Variants in LRP1 observed in about 807,000 individuals in gnomAD.
LRP1 encodes the protein LDL receptor related protein 1.
LRP1 carries 51 observed loss-of-function variants against 541.5 expected under a neutral mutation model. The observed-to-expected ratio is 0.09, with a 90% CI of 0.08 to 0.12. LRP1 has a LOEUF of 0.12. Among genes scored for constraint, LRP1 ranks in the 10% least tolerant of loss-of-function variants. LRP1 has a pLI of 1.00. For missense variants in LRP1, 3,878 were observed against 6,376.2 expected, an observed-to-expected ratio of 0.61 and a Z score of 13.34; for synonymous variants, 2,219 against 2,470.8, an observed-to-expected ratio of 0.90 and a Z score of 3.02.
Position 57,211,381 on chromosome 12 carries a change from C to T in LRP1, c.13091+31C>T, listed in dbSNP as rs369794968. The stretch of plus-strand genomic sequence containing the variant: ...TGGGGCCCTCCTCCACAGTTCCACC[C>T]AGCTGGGCCCCTGCCCTGTCCTAGC... On this transcript the variant is annotated intron_variant, in intron 84 of 88. Coordinates refer to ENST00000243077, the MANE Select transcript of LRP1 (RefSeq NM_002332.3). The surrounding 1 kb of genome is among the most constrained non-coding windows in gnomAD (Gnocchi z 4.3). 224 of 1,612,004 alleles carry T rather than the reference C, an allele frequency of 1.4e-4. No homozygotes were observed. Among genetic ancestry groups the T allele is most frequent in the Non-Finnish European group, 1.8e-4 (208 of 1,179,270 alleles).
Position 57,197,137 on chromosome 12 carries a change from C to G in LRP1, c.9048C>G (p.Gly3016=). ...LCVEGYAPRG[G]DPHSCKAVTD... is the part of the protein sequence containing the mutation. ...TGGAGGGCTATGCACCCCGCGGCGG[C>G]GACCCCCACAGCTGCAAGGCTGTGA... Residue 3016 remains glycine, a synonymous_variant, in exon 56 of 89, where the codon GGC becomes GGG. Coordinates refer to ENST00000243077, the MANE Select transcript of LRP1 (RefSeq NM_002332.3). The surrounding 1 kb of genome is among the most constrained non-coding windows in gnomAD (Gnocchi z 4.5). 5.0e-6 allele frequency: 8 copies of G among 1,613,896 alleles called. No individual in the cohort carries two copies. The highest frequency in any genetic ancestry group is 6.8e-6 in the Non-Finnish European group (8 of 1,180,014).
At position 57,133,635 on chromosome 12, in the gene LRP1, A is replaced by AC. The variant is rs1414642771; in HGVS notation, c.67+4610dup. Among the ~76,000 whole-genome samples the AC allele has an allele frequency of 2.3e-3, 12 of 5,254 alleles. No individual in the cohort carries two copies. The South Asian group carries it at 0.047, about 20-fold the overall frequency. The allele number at this position is 5,254 out of a possible 152,430, so 3.4% of individuals were successfully genotyped here. ...TGTCCCCGCGCCGCCCCCCCACCCC[A>AC]CCCCCCGCACCTTGAGCATCCTCCT... On this transcript the variant is annotated intron_variant, in intron 1 of 88. Transcript: ENST00000243077.
Position 57,205,664 on chromosome 12 carries a change from C to T in LRP1, c.11577C>T (p.Thr3859=). ...CARNFMKTHN[T]CKAEGSEYQV... is the part of the protein sequence containing the mutation. Reference sequence around the variant, plus strand: ...GGAACTTCATGAAGACGCACAACACCTGCAAGGCCGAAGGTGCCGGAGCCA... The same window carrying T: ...GGAACTTCATGAAGACGCACAACACTTGCAAGGCCGAAGGTGCCGGAGCCA... Residue 3859 remains threonine (T), a synonymous_variant, in exon 75 of 89, where the codon ACC becomes ACT. Coordinates refer to ENST00000243077, the MANE Select transcript of LRP1 (RefSeq NM_002332.3). The surrounding 1 kb of genome is among the most constrained non-coding windows in gnomAD (Gnocchi z 4.6). 1 of 1,611,844 alleles carries T rather than the reference C, an allele frequency of 6.2e-7. No individual in the cohort carries two copies.
In LRP1 at chr12:57,178,861, GCTT is replaced by G. The variant is rs776748948; in HGVS notation, c.4607-23_4607-21del. 2.5e-6 allele frequency: 4 copies of G among 1,597,346 alleles called. No homozygotes were observed. Among genetic ancestry groups the G allele is most frequent in the South Asian group, 1.1e-5 (1 of 88,740 alleles). On this transcript the variant is annotated intron_variant, in intron 27 of 88. Transcript: ENST00000243077. This position sits in a 1 kb window ranked among gnomAD's most constrained non-coding sequence, Gnocchi z 5.8. The stretch of plus-strand genomic sequence containing the variant: ...GAGCAGCAAGTCACAGGATGCTCTG[GCTT>G]CTTCTCTTCTCCACCCTGCCCCCAG...
At chr12:57,210,907 G>A in intron 83 of LRP1, 28 bp downstream of exon 83, 1 of 1,597,738 alleles carries the variant, frequency 6.3e-7, no homozygotes, top group Non-Finnish European at 8.6e-7. Flanking sequence ...GGGCCCCAGG[G>A]CATGCGGGAG....
At chr12:57,182,672 C>T (rs1293077478) in intron 34 of LRP1, among the ~76,000 whole-genome samples, 3 of 151,496 alleles carry the variant, frequency 2.0e-5, no homozygotes, top group African/African-American at 4.9e-5. Context: ...CAAAATTAGC[C>T]GGGCATGGTG....
intron 15 of LRP1, chr12:57,164,834 C>T (rs2035807291): frequency 6.6e-6 from 1 of 152,112 alleles, no homozygotes; most frequent in Admixed American, 6.6e-5. Flanking sequence ...TGGCTGGGGT[C>T]AGGAGAGGGC....
At chr12:57,153,015 G>A (rs1199392933) in intron 6 of LRP1, among the ~76,000 whole-genome samples, 8 of 152,210 alleles carry the variant, frequency 5.3e-5, no homozygotes, top group Admixed American at 1.3e-4. Context: ...CTGTGTGGGG[G>A]CAGAAGAATC....
intron 5 of LRP1, 43 bp downstream of exon 5, chr12:57,145,143 T>A: frequency 6.2e-7 from 1 of 1,613,548 alleles, no homozygotes; most frequent in Non-Finnish European, 8.5e-7. Context: ...CTAAGCCCCC[T>A]CAATGCTGTT....
Position 57,154,246 on chromosome 12 carries a change from T to C in LRP1, c.880T>C (p.Phe294Leu). 2.5e-6 allele frequency: 4 copies of C among 1,614,198 alleles called. No individual in the cohort carries two copies. The highest frequency in any genetic ancestry group is 1.7e-6 in the Non-Finnish European group (2 of 1,180,022). Reference protein sequence around the residue: ...QMAIDWLTGNFYFVDDIDDRI... With the variant: ...QMAIDWLTGNLYFVDDIDDRI... The stretch of plus-strand genomic sequence containing the variant: ...GGCCATCGACTGGCTGACAGGCAAC[T>C]TCTACTTTGTGGATGACATCGATGA... Residue 294 changes from phenylalanine to leucine, a missense_variant, in exon 7 of 89, where the codon TTC becomes CTC. Physicochemically the swap from Phe to Leu is conservative, Grantham distance 22 (BLOSUM62 0). Coordinates refer to ENST00000243077, the MANE Select transcript of LRP1 (RefSeq NM_002332.3). The surrounding 1 kb of genome is among the most constrained non-coding windows in gnomAD (Gnocchi z 4.6).
In LRP1 at chr12:57,197,498, C is replaced by T; in HGVS notation, c.9163-47C>T. 6.2e-7 allele frequency: 1 copy of T among 1,613,496 alleles called. No individual in the cohort carries two copies. The highest frequency in any genetic ancestry group is 8.5e-7 in the Non-Finnish European group (1 of 1,179,622). On this transcript the variant is annotated intron_variant, in intron 57 of 88. Coordinates refer to ENST00000243077, the MANE Select transcript of LRP1 (RefSeq NM_002332.3). The surrounding 1 kb of genome is among the most constrained non-coding windows in gnomAD (Gnocchi z 4.5). ...CCCTCCCCCAGATGCAAATGTGGCC[C>T]CTGTTGCCACAACCGACTTCTGCTG...
At position 57,145,069 on chromosome 12, in the gene LRP1, G is replaced by T; in HGVS notation, c.546G>T (p.Gln182His). The change falls in exon 5 of 89, where the codon CAG (glutamine) becomes CAT (histidine). Residue 182 changes from glutamine to histidine, a missense_variant. By Grantham distance (24) the Gln-to-His change is conservative (BLOSUM62 0). Around this residue, in one of 13 missense-constraint regions of LRP1, gnomAD observed 293 missense variants for 403.7 expected, o/e 0.73. Transcript: ENST00000243077. ...ICGCVEGYLL[Q>H]PDNRSCKAKN... ...GCTGTGTTGAAGGATACCTCCTGCA[G>T]CCGGATAACCGCTCCTGCAAGGCCA... 6.2e-7 allele frequency: 1 copy of T among 1,614,002 alleles called. No individual in the cohort carries two copies. Among genetic ancestry groups the T allele is most frequent in the Admixed American group, 1.7e-5 (1 of 60,020 alleles).
chr12:57,196,373 G>A, intron 55 of LRP1, 96 bp downstream of exon 55: 1 of 1,209,882 alleles, frequency 8.3e-7, no homozygotes, highest in Non-Finnish European at 1.1e-6. Context: ...CTAGACAGTG[G>A]GGATACAGCA....
intron 55 of LRP1, 27 bp downstream of exon 55, chr12:57,196,304 C>G (rs1347088370): frequency 8.5e-6 from 13 of 1,535,690 alleles, no homozygotes; most frequent in Non-Finnish European, 1.1e-5. Context: ...GGAGGAGCTT[C>G]CACACCCCAG....
chr12:57,133,536 C>A (rs1280624341), intron 1 of LRP1, among the ~76,000 whole-genome samples: 1 of 152,096 alleles, frequency 6.6e-6, no homozygotes, highest in African/African-American at 2.4e-5. Flanking sequence ...TCAGTGAAAA[C>A]CTCTCGGTTT....
At chr12:57,181,084 C>G in intron 33 of LRP1, 73 bp from the exon 34 acceptor site, 1 of 1,534,678 alleles carries the variant, frequency 6.5e-7, no homozygotes, top group Non-Finnish European at 8.8e-7. Context: ...TGTTTCTGAG[C>G]AGCCCAAGCC....
chr12:57,198,993 C>G (rs2036592711), intron 60 of LRP1, among the ~76,000 whole-genome samples: 1 of 152,218 alleles, frequency 6.6e-6, no homozygotes, highest in African/African-American at 2.4e-5. Context: ...GAGCCATACA[C>G]TGGCAGGGCA....
chr12:57,170,323 T>C (rs1592628169), intron 20 of LRP1, among the ~76,000 whole-genome samples: 1 of 152,344 alleles, frequency 6.6e-6, no homozygotes, highest in Non-Finnish European at 1.5e-5. Flanking sequence ...ATAGGACTAA[T>C]ATCTTTTTAG....
At position 57,208,806 on chromosome 12, in the gene LRP1, A is replaced by G. The variant is rs2036844402; in HGVS notation, c.12134A>G (p.Gln4045Arg). The part of the protein sequence containing the change: ...LRETLVQDNI[Q>R]WPTGLAVDYH... ...GAGACACTGGTGCAGGACAACATTCAGTGGCCCACAGGTTTGTGGGGCAGG... is the reference window on the plus strand; with the variant it reads ...GAGACACTGGTGCAGGACAACATTCGGTGGCCCACAGGTTTGTGGGGCAGG... Residue 4045 changes from glutamine (Q) to arginine (R), a missense_variant, in exon 78 of 89, where the codon CAG becomes CGG. By Grantham distance (43) the Gln-to-Arg change is conservative. Coordinates refer to ENST00000243077, the MANE Select transcript of LRP1 (RefSeq NM_002332.3). The G allele has an allele frequency of 1.2e-6, 2 of 1,613,624 alleles. No individual in the cohort carries two copies. The highest frequency in any genetic ancestry group is 1.3e-5 in the African/African-American group (1 of 74,916).
Sources: allele counts gnomAD v4.1 joint callset (sites outside exome capture counted in the v4.1 genomes callset), GRCh38; gene constraint gnomAD v4.1.1; regional missense constraint gnomAD v4.1.1; non-coding constraint Gnocchi (gnomAD v3.1); transcripts MANE v1.5; gene names NCBI Gene and HGNC (gene_info 2026-07-23, HGNC 2026-07-21).